Variants in LDB2 observed in about 807,000 individuals in gnomAD.
The protein encoded by LDB2 is LIM domain binding 2, also known as LIM domain-binding protein 2.
Under a neutral mutation model 44.3 loss-of-function variants are expected in LDB2, and 12 were observed. That is an observed-to-expected ratio of 0.27 (90% confidence interval 0.17 to 0.44). LDB2 has a LOEUF of 0.44. Ranked by LOEUF, LDB2 falls within the 20% of genes least tolerant of loss-of-function variation. LDB2 has a pLI of 1.00. For missense variants in LDB2, 344 were observed against 473.5 expected, an observed-to-expected ratio of 0.73 and a Z score of 2.54; for synonymous variants, 164 against 174.8, an observed-to-expected ratio of 0.94 and a Z score of 0.49.
At chr4:16,758,392 G>T (rs943701329) in intron 2 of LDB2, among the ~76,000 whole-genome samples, 5 of 152,138 alleles carry the variant, frequency 3.3e-5, no homozygotes, top group African/African-American at 1.2e-4. Context: ...TCCTCTGATG[G>T]ATTCTTTCCT....
rs116667776 is a variant in LDB2 at position 16,782,118 on chromosome 4, C to T, written c.133-22858G>A. 4.5e-3 allele frequency among the ~76,000 whole-genome samples: 678 copies of T among 152,310 alleles called. 2 individuals are homozygous for T. Among genetic ancestry groups the T allele is most frequent in the Middle Eastern group, 0.024 (7 of 294 alleles). On this transcript the variant is annotated intron_variant, in intron 1 of 7. Coordinates refer to ENST00000304523, the MANE Select transcript of LDB2 (RefSeq NM_001290.5). Reference sequence around the variant, plus strand: ...ACTGTGAGGACCACTGAATTCCATACTATTCCAAACCGCAGGCCAGGTATC... The same window carrying T: ...ACTGTGAGGACCACTGAATTCCATATTATTCCAAACCGCAGGCCAGGTATC...
intron 2 of LDB2, among the ~76,000 whole-genome samples, chr4:16,609,060 C>T (rs931816577): frequency 4.6e-5 from 7 of 152,144 alleles, no homozygotes; most frequent in African/African-American, 1.7e-4. Flanking sequence ...CATGTTCTCT[C>T]ATCAAAATTG....
chr4:16,574,151 C>A (rs529914907), intron 5 of LDB2, among the ~76,000 whole-genome samples: 1 of 152,122 alleles, frequency 6.6e-6, no homozygotes, highest in Non-Finnish European at 1.5e-5. Context: ...ATAACAACAA[C>A]GAAAATCTTC....
At chr4:16,562,345 T>A (rs537818737) in intron 5 of LDB2, among the ~76,000 whole-genome samples, 202 of 152,220 alleles carry the variant, frequency 1.3e-3, no homozygotes, top group Non-Finnish European at 2.6e-3. Flanking sequence ...ATATCCAGAA[T>A]CTACAATGTA....
intron 1 of LDB2, among the ~76,000 whole-genome samples, chr4:16,846,221 C>T (rs187256622): frequency 1.2e-3 from 188 of 152,276 alleles, no homozygotes; most frequent in Non-Finnish European, 2.3e-3. Context: ...CTAAGACCTC[C>T]GCCCATTCTT....
intron 1 of LDB2, among the ~76,000 whole-genome samples, chr4:16,763,741 G>A (rs556775137): frequency 1.3e-5 from 2 of 152,258 alleles, no homozygotes; most frequent in Admixed American, 6.5e-5. Context: ...CTACCAAGGG[G>A]CAGAGCAGGC....
At chr4:16,698,831 TG>T (rs1404866437) in intron 2 of LDB2, among the ~76,000 whole-genome samples, 2 of 152,240 alleles carry the variant, frequency 1.3e-5, no homozygotes, top group Admixed American at 6.5e-5. Context: ...TGTATGTTTA[TG>T]TAACAAGCAT....
intron 2 of LDB2, among the ~76,000 whole-genome samples, chr4:16,684,495 C>T (rs1350410813): frequency 6.6e-6 from 1 of 152,184 alleles, no homozygotes; most frequent in Admixed American, 6.5e-5. Context: ...TATATATTCC[C>T]TGATTACTCA....
intron 4 of LDB2, among the ~76,000 whole-genome samples, chr4:16,587,515 CAA>C (rs911401094): frequency 6.6e-6 from 1 of 152,070 alleles, no homozygotes; most frequent in Non-Finnish European, 1.5e-5. Flanking sequence ...CAGACTTCCT[CAA>C]AGAGAGTGGA....
chr4:16,614,580 C>CAAAAAAAAAAAAAAA (rs1164613202), intron 2 of LDB2, among the ~76,000 whole-genome samples: 8 of 53,798 alleles, frequency 1.5e-4, no homozygotes, highest in Non-Finnish European at 2.7e-4. Flanking sequence ...CAAGAAAAAA[C>CAAAAAAAAAAAAAAA]AAAAAAAAAA....
Position 16,635,100 on chromosome 4 carries a change from A to G in LDB2, c.236-39225T>C, listed in dbSNP as rs369720390. Among the ~76,000 whole-genome samples, 98 of 152,222 alleles carry G rather than the reference A, an allele frequency of 6.4e-4. 2 individuals carry two copies. In the East Asian group the frequency reaches 0.018, roughly 28 times the overall value. Reference sequence around the variant, plus strand: ...AGTGGGAGTTGAACAATGAGAACACATGGACACAGGGAGGGGAACATCACA... The same window carrying G: ...AGTGGGAGTTGAACAATGAGAACACGTGGACACAGGGAGGGGAACATCACA... On this transcript the variant is annotated intron_variant, in intron 2 of 7. Transcript: ENST00000304523.
chr4:16,878,919 C>T (rs984120911), intron 1 of LDB2, among the ~76,000 whole-genome samples: 19 of 152,168 alleles, frequency 1.2e-4, no homozygotes, highest in Admixed American at 1.3e-4. Context: ...ATTTATTTTA[C>T]GCTTTCACAG....
At chr4:16,843,538 T>C (rs1786307133) in intron 1 of LDB2, among the ~76,000 whole-genome samples, 1 of 152,270 alleles carries the variant, frequency 6.6e-6, no homozygotes, top group Non-Finnish European at 1.5e-5. Flanking sequence ...TTTAAACCTA[T>C]ACATTATTAA....
intron 1 of LDB2, among the ~76,000 whole-genome samples, chr4:16,862,246 A>T (rs945233813): frequency 2.0e-5 from 3 of 147,006 alleles, no homozygotes; most frequent in Admixed American, 6.8e-5. Flanking sequence ...ATTTTTTTCA[A>T]TTTTTTTTTT....
intron 1 of LDB2, among the ~76,000 whole-genome samples, chr4:16,896,301 T>G (rs576829825): frequency 1.3e-5 from 2 of 152,254 alleles, no homozygotes; most frequent in Admixed American, 6.5e-5. Flanking sequence ...TGAGTTTAGC[T>G]CTCACAAAAA....
chr4:16,834,059 CCTTAA>C (rs1260328964), intron 1 of LDB2, among the ~76,000 whole-genome samples: 5 of 152,160 alleles, frequency 3.3e-5, no homozygotes, highest in Admixed American at 3.3e-4. Flanking sequence ...AGTAGTAGCC[CCTTAA>C]CTTAATATAT....
chr4:16,518,702 G>A (rs1381030022), intron 5 of LDB2, among the ~76,000 whole-genome samples: 4 of 152,100 alleles, frequency 2.6e-5, no homozygotes, highest in South Asian at 2.1e-4. Context: ...GAACTAAATC[G>A]GTACTATTCC....
chr4:16,778,010 C>A (rs1190092361), intron 1 of LDB2, among the ~76,000 whole-genome samples: 1 of 152,194 alleles, frequency 6.6e-6, no homozygotes, highest in African/African-American at 2.4e-5. Flanking sequence ...GGACAGTTCA[C>A]ACCGCTGCTC....
At chr4:16,543,547 G>GT (rs1475615536) in intron 5 of LDB2, among the ~76,000 whole-genome samples, 7 of 152,094 alleles carry the variant, frequency 4.6e-5, no homozygotes, top group Admixed American at 3.3e-4. Flanking sequence ...TTTTTCATGT[G>GT]TTTTTTGGCT....
Sources: gnomAD v4.1 joint callset for allele counts (sites outside exome capture counted in the v4.1 genomes callset) on GRCh38, gnomAD v4.1.1 for gene constraint, MANE v1.5 for transcripts, NCBI Gene and HGNC (gene_info 2026-07-23, HGNC 2026-07-21) for gene names.